The following ARHGAP17 variants were observed in gnomAD, a reference collection of about 807,000 sequenced individuals.
ARHGAP17 encodes rho GTPase-activating protein 17.
A neutral mutation model predicts 99.5 loss-of-function variants in ARHGAP17; 57 were observed. The observed-to-expected ratio is 0.57, with a 90% CI of 0.46 to 0.71. The LOEUF (loss-of-function observed/expected upper bound fraction) is 0.71, where lower values mean the gene tolerates loss of function less well. Among genes scored for constraint, ARHGAP17 ranks in the 30% least tolerant of loss-of-function variants. ARHGAP17 has a pLI of 0.00. For synonymous variants in ARHGAP17, 417 were observed against 429.6 expected, an observed-to-expected ratio of 0.97 and a Z score of 0.36; for missense variants, 1,000 against 1,122.4, an observed-to-expected ratio of 0.89 and a Z score of 1.56.
rs138492230 is a variant in ARHGAP17, at chr16:24,939,532, A to G, written c.1556T>C (p.Ile519Thr). 16 of 1,608,632 alleles carry G rather than the reference A, an allele frequency of 9.9e-6. No individual in the cohort carries two copies. In the African/African-American group the frequency reaches 2.1e-4, roughly 21 times the overall value. ...RRGGTLNRKH[I>T]SPAFQPPLPP... ...AAGTGGCGGCTGGAAAGCGGGGGAT[A>G]TGTGCTTTCTATTTAGAGTGCCACC... The change falls in exon 17 of 20, where the codon ATA (isoleucine) becomes ACA (threonine). Residue 519 changes from isoleucine (I) to threonine (T), a missense_variant. By Grantham distance (89) the Ile-to-Thr change is moderately conservative. Around this residue, in one of 2 missense-constraint regions of ARHGAP17, gnomAD observed 528 missense variants for 511.4 expected, o/e 1.03. Transcript: ENST00000289968.
At chr16:24,946,084 A>T (rs963441185) in intron 14 of ARHGAP17, among the ~76,000 whole-genome samples, 11 of 152,184 alleles carry the variant, frequency 7.2e-5, no homozygotes, top group African/African-American at 2.7e-4. Flanking sequence ...CCACAGAGTG[A>T]CAATTTCCCA....
chr16:24,939,723 G>A (rs1040028131), intron 16 of ARHGAP17, 126 bp from the exon 17 acceptor site: 2 of 1,050,908 alleles, frequency 1.9e-6, no homozygotes, highest in African/African-American at 3.1e-5. Flanking sequence ...ATGCAGTGAA[G>A]CGGCAAGGAC....
rs2051748778 is a variant in ARHGAP17, at chr16:24,954,584, A to G, written c.852+19T>C. The G allele has an allele frequency of 6.2e-7, 1 of 1,607,626 alleles. No individual in the cohort carries two copies. Among genetic ancestry groups the G allele is most frequent in the South Asian group, 1.1e-5 (1 of 89,766 alleles). On this transcript the variant is annotated intron_variant, in intron 10 of 19. Transcript: ENST00000289968. ...GGGGCATGGAGACTTGGTGCACAGG[A>G]TCACGAAGCTCCCCTCACCTCCTCC...
chr16:24,958,253 C>CAAAA (rs1555463338), intron 9 of ARHGAP17, among the ~76,000 whole-genome samples: 2 of 151,652 alleles, frequency 1.3e-5, no homozygotes, highest in Non-Finnish European at 2.9e-5. Context: ...AACAAACAAA[C>CAAAA]AAAATGCGAA....
chr16:24,956,778 G>GACA (rs1430725900), intron 9 of ARHGAP17: 2 of 152,232 alleles, frequency 1.3e-5, no homozygotes, highest in Admixed American at 6.5e-5. Context: ...TTCACATGAT[G>GACA]ACAACCAACT....
intron 4 of ARHGAP17, among the ~76,000 whole-genome samples, chr16:24,969,005 G>C (rs1180012933): frequency 6.6e-6 from 1 of 152,246 alleles, no homozygotes; most frequent in Non-Finnish European, 1.5e-5. Context: ...GTGGCAGACA[G>C]ATGTGTGAAC....
chr16:24,958,264 A>G (rs1373503129), intron 9 of ARHGAP17, among the ~76,000 whole-genome samples: 1 of 150,946 alleles, frequency 6.6e-6, no homozygotes, highest in Non-Finnish European at 1.5e-5. Context: ...AAAATGCGAA[A>G]AAAAATCCAA....
chr16:24,960,882 A>AT (rs2141273125), intron 7 of ARHGAP17, among the ~76,000 whole-genome samples: 1 of 150,804 alleles, frequency 6.6e-6, no homozygotes, highest in South Asian at 2.1e-4. Context: ...GTTTTTATTT[A>AT]TTTTTTTGAG....
At position 24,939,612 on chromosome 16, in the gene ARHGAP17, G is replaced by GAA. The variant is rs1386148343; in HGVS notation, c.1491-17_1491-16dup. 1 of 1,591,704 alleles carries GAA rather than the reference G, an allele frequency of 6.3e-7. No homozygotes were observed. The highest frequency in any genetic ancestry group is 1.3e-5 in the African/African-American group (1 of 74,850). ...TCACACCAAAGCTACACAGAGAGAAGAAACAGTCAACACACCATGCGAGCA... is the reference window on the plus strand; with the variant it reads ...TCACACCAAAGCTACACAGAGAGAAGAAAAACAGTCAACACACCATGCGAGCA... On this transcript the variant is annotated splice_polypyrimidine_tract_variant and intron_variant, in intron 16 of 19. Transcript: ENST00000289968.
At chr16:24,922,703 T>C (rs1309515955) in intron 19 of ARHGAP17, among the ~76,000 whole-genome samples, 2 of 151,512 alleles carry the variant, frequency 1.3e-5, no homozygotes, top group Non-Finnish European at 2.9e-5. Context: ...TGAGATGGGG[T>C]CTTGCTCTTT....
intron 5 of ARHGAP17, 92 bp downstream of exon 5, chr16:24,968,569 G>C: frequency 6.6e-7 from 1 of 1,519,976 alleles, no homozygotes. Context: ...AGAAGTGTAT[G>C]TTAAAGCCAG....
chr16:25,006,438 G>A (rs575223780), intron 1 of ARHGAP17, among the ~76,000 whole-genome samples: 81 of 147,762 alleles, frequency 5.5e-4, no homozygotes, highest in Non-Finnish European at 1.1e-3. Flanking sequence ...TGACAGAGAG[G>A]GACTCCGTCT....
At chr16:24,996,859 G>A (rs1181132306) in intron 1 of ARHGAP17, among the ~76,000 whole-genome samples, 2 of 151,796 alleles carry the variant, frequency 1.3e-5, no homozygotes, top group Non-Finnish European at 2.9e-5. Flanking sequence ...GCCGAGGCAG[G>A]AGGATTGCTT....
rs1286890981 is a variant in ARHGAP17, at chr16:24,968,662, T to A, written c.383A>T (p.Glu128Val). ...EIVDPLYGIA[E>V]VEIPNIQKQR... ...CGTGCTGCACGGTGAAGCACCCACCTCAGCTATGCCGTACAGAGGGTCCAC... is the reference window on the plus strand; with the variant it reads ...CGTGCTGCACGGTGAAGCACCCACCACAGCTATGCCGTACAGAGGGTCCAC... The change falls in exon 5 of 20, where the codon GAG (glutamate) becomes GTG (valine). Residue 128 changes from glutamate (E) to valine (V), a missense_variant and splice_region_variant. Physicochemically the swap from Glu to Val is moderately radical, Grantham distance 121. This residue lies in a region of ARHGAP17 where 472 missense variants were observed against 611.1 expected (regional missense o/e 0.77). Coordinates refer to ENST00000289968, the MANE Select transcript of ARHGAP17 (RefSeq NM_001006634.3). 6.2e-7 allele frequency: 1 copy of A among 1,614,162 alleles called. No homozygotes were observed. Among genetic ancestry groups the A allele is most frequent in the Non-Finnish European group, 8.5e-7 (1 of 1,180,022 alleles).
rs148948943 is a variant in ARHGAP17 at position 25,000,283 on chromosome 16, G to A, written c.53+14926C>T. 1.4e-4 allele frequency among the ~76,000 whole-genome samples: 22 copies of A among 152,282 alleles called. 1 individual carries two copies. The South Asian group carries it at 1.4e-3, about 10-fold the overall frequency. ...CCATGACAGAACACATTTCTGCTTT[G>A]TGGGGGAAAGGCTCCCATCTAGAAA... On this transcript the variant is annotated intron_variant, in intron 1 of 19. Transcript: ENST00000289968.
intron 6 of ARHGAP17, among the ~76,000 whole-genome samples, chr16:24,966,663 G>C (rs1315220510): frequency 6.6e-6 from 1 of 151,892 alleles, no homozygotes; most frequent in African/African-American, 2.4e-5. Context: ...GGGTGTGGTG[G>C]TGTGCAGCTA....
chr16:24,947,046 C>T (rs1450805932), intron 14 of ARHGAP17, among the ~76,000 whole-genome samples: 1 of 152,162 alleles, frequency 6.6e-6, no homozygotes, highest in Non-Finnish European at 1.5e-5. Flanking sequence ...AATTAAATGG[C>T]TTCTCTGCTG....
intron 19 of ARHGAP17, among the ~76,000 whole-genome samples, chr16:24,928,801 T>A (rs2050907105): frequency 6.6e-6 from 1 of 152,214 alleles, no homozygotes; most frequent in South Asian, 2.1e-4. Context: ...TTAGATGAGC[T>A]CACAGTGCCT....
Position 24,930,918 on chromosome 16 carries a change from A to C in ARHGAP17, c.2381T>G (p.Leu794Ter). ...PETAQPHAGT[L>*]PRPRPVPKPR... ...CTTTGGTACTGGTCTCGGTCTCGGTAAGGTTCCAGCATGTGGCTGTGCAGT... is the reference window on the plus strand; with the variant it reads ...CTTTGGTACTGGTCTCGGTCTCGGTCAGGTTCCAGCATGTGGCTGTGCAGT... Residue 794 changes from leucine to a stop codon, truncating the protein, a stop_gained, in exon 19 of 20, where the codon TTA becomes TGA. Coordinates refer to ENST00000289968, the MANE Select transcript of ARHGAP17 (RefSeq NM_001006634.3). LOFTEE classifies it high-confidence loss of function. 1 of 1,613,656 alleles carries C rather than the reference A, an allele frequency of 6.2e-7. No homozygotes were observed. Among genetic ancestry groups the C allele is most frequent in the Non-Finnish European group, 8.5e-7 (1 of 1,179,912 alleles).
Sources: allele counts gnomAD v4.1 joint callset (sites outside exome capture counted in the v4.1 genomes callset), GRCh38; gene constraint gnomAD v4.1.1; regional missense constraint gnomAD v4.1.1; transcripts MANE v1.5; gene names NCBI Gene and HGNC (gene_info 2026-07-23, HGNC 2026-07-21).